The following SLC24A2 variants were observed in gnomAD, a reference collection of about 807,000 sequenced individuals.
The protein encoded by SLC24A2 is sodium/potassium/calcium exchanger 2.
Under a neutral mutation model 62.0 loss-of-function variants are expected in SLC24A2, and 36 were observed. That is an observed-to-expected ratio of 0.58 (90% CI 0.44 to 0.77). SLC24A2 has a LOEUF of 0.77. Among genes scored for constraint, SLC24A2 ranks in the 30% least tolerant of loss-of-function variants. The pLI is 0.00. For missense variants in SLC24A2, 846 were observed against 817.9 expected, an observed-to-expected ratio of 1.03 and a Z score of -0.42; for synonymous variants, 358 against 294.0, an observed-to-expected ratio of 1.22 and a Z score of -2.23.
chr9:19,512,065 T>C lies in SLC24A2; in HGVS notation c.*4088A>G, dbSNP rs1832735418. On this transcript the variant is annotated 3_prime_UTR_variant, in exon 11 of 11. Coordinates refer to ENST00000341998, the MANE Select transcript of SLC24A2 (RefSeq NM_020344.4). ...GGTGTCTTTTCTTTGGTCAACTTTT[T>C]GTTAAAGTGGTCTGGGGGTGGGCTC... 6.6e-6 allele frequency: 1 copy of C among 152,344 alleles called. No individual in the cohort carries two copies. The highest frequency in any genetic ancestry group is 2.4e-5 in the African/African-American group (1 of 41,468). 9.4% of individuals were successfully genotyped at this position (152,344 alleles called of 1,614,324 possible). A position where few individuals can be genotyped will look rare whatever the true frequency, so the allele number is the denominator to read the frequency against.
the SLC24A2 span, among the ~76,000 whole-genome samples, chr9:20,112,303 C>T: frequency 2.0e-5 from 3 of 152,102 alleles, no homozygotes; most frequent in Admixed American, 6.5e-5. Flanking sequence ...AAAGCAAGGC[C>T]GAATCTGCAG....
intron 2 of SLC24A2, among the ~76,000 whole-genome samples, chr9:19,727,777 C>T (rs993947484): frequency 6.6e-6 from 1 of 152,134 alleles, no homozygotes; most frequent in African/African-American, 2.4e-5. Context: ...CCTTACATCC[C>T]TCTCAGCAAA....
chr9:20,299,410 G>C, the SLC24A2 span, among the ~76,000 whole-genome samples: 2 of 152,170 alleles, frequency 1.3e-5, no homozygotes, highest in Admixed American at 1.3e-4. Flanking sequence ...GGATTGACAG[G>C]CTCTGGAATG....
At chr9:20,102,235 G>T in the SLC24A2 span, among the ~76,000 whole-genome samples, 4 of 152,132 alleles carry the variant, frequency 2.6e-5, no homozygotes, top group Admixed American at 1.3e-4. Flanking sequence ...AGAGAGACTA[G>T]ATTTTCTACT....
At chr9:20,004,912 G>GA in the SLC24A2 span, among the ~76,000 whole-genome samples, 9 of 149,402 alleles carry the variant, frequency 6.0e-5, no homozygotes, top group South Asian at 2.1e-4. Flanking sequence ...CACTTTTTTT[G>GA]AAAAAAAAGA....
chr9:20,076,134 T>C, the SLC24A2 span, among the ~76,000 whole-genome samples: 1 of 152,124 alleles, frequency 6.6e-6, no homozygotes, highest in African/African-American at 2.4e-5. Context: ...TTGGTGGGAT[T>C]CACAGATGCG....
the SLC24A2 span, among the ~76,000 whole-genome samples, chr9:19,817,780 A>G: frequency 5.0e-3 from 768 of 152,198 alleles, 7 homozygotes; most frequent in Non-Finnish European, 7.6e-3. Flanking sequence ...CTCAGGCTGG[A>G]GTGCAGTGGT....
chr9:20,261,388 A>G, the SLC24A2 span, among the ~76,000 whole-genome samples: 1 of 152,226 alleles, frequency 6.6e-6, no homozygotes, highest in African/African-American at 2.4e-5. Flanking sequence ...ATGCCATGGT[A>G]GAAGTGCAAA....
intron 2 of SLC24A2, among the ~76,000 whole-genome samples, chr9:19,676,837 TTTA>T (rs1309330470): frequency 2.0e-5 from 3 of 152,226 alleles, no homozygotes; most frequent in African/African-American, 7.2e-5. Context: ...AAGAGAATTC[TTTA>T]TTAACATTTT....
At chr9:20,202,489 T>C in the SLC24A2 span, among the ~76,000 whole-genome samples, 1 of 152,114 alleles carries the variant, frequency 6.6e-6, no homozygotes, top group African/African-American at 2.4e-5. Context: ...AGTGAGGCTG[T>C]TTGCCAGGTG....
chr9:20,057,483 T>C, the SLC24A2 span, among the ~76,000 whole-genome samples: 1 of 152,256 alleles, frequency 6.6e-6, no homozygotes, highest in East Asian at 1.9e-4. Flanking sequence ...TGGTCAGAGT[T>C]GGAGCTGTGG....
intron 2 of SLC24A2, among the ~76,000 whole-genome samples, chr9:19,659,686 G>C (rs1170542504): frequency 2.0e-5 from 3 of 152,126 alleles, no homozygotes; most frequent in Non-Finnish European, 4.4e-5. Context: ...TTTTAACACT[G>C]ATGACATGCC....
At chr9:19,978,247 G>A in the SLC24A2 span, among the ~76,000 whole-genome samples, 1 of 152,110 alleles carries the variant, frequency 6.6e-6, no homozygotes, top group African/African-American at 2.4e-5. Flanking sequence ...GTTATCACCT[G>A]CATCATATGA....
chr9:19,584,741 T>TA (rs1371242549), intron 5 of SLC24A2, among the ~76,000 whole-genome samples: 1 of 152,160 alleles, frequency 6.6e-6, no homozygotes, highest in Non-Finnish European at 1.5e-5. Flanking sequence ...TTAAAAATAA[T>TA]AATTTCATCT....
At chr9:20,141,465 G>C in the SLC24A2 span, among the ~76,000 whole-genome samples, 1 of 151,936 alleles carries the variant, frequency 6.6e-6, no homozygotes, top group Non-Finnish European at 1.5e-5. Flanking sequence ...AACTCTCTTG[G>C]CTTGGTCTCA....
chr9:19,916,889 A>C, the SLC24A2 span, among the ~76,000 whole-genome samples: 1 of 151,676 alleles, frequency 6.6e-6, no homozygotes, highest in Non-Finnish European at 1.5e-5. Context: ...AAGAATTTTA[A>C]GAATCTTGAT....
At chr9:19,907,744 AG>A in the SLC24A2 span, among the ~76,000 whole-genome samples, 1 of 152,234 alleles carries the variant, frequency 6.6e-6, no homozygotes, top group Non-Finnish European at 1.5e-5. Context: ...ATTGCTTCAA[AG>A]AGAATAAAAT....
the SLC24A2 span, among the ~76,000 whole-genome samples, chr9:20,083,160 T>C: frequency 6.6e-6 from 1 of 152,238 alleles, no homozygotes; most frequent in African/African-American, 2.4e-5. Flanking sequence ...CTGTACCTTG[T>C]GTGATTGGAG....
At chr9:20,030,778 T>C in the SLC24A2 span, among the ~76,000 whole-genome samples, 23 of 152,206 alleles carry the variant, frequency 1.5e-4, no homozygotes, top group Admixed American at 3.3e-4. Flanking sequence ...AGAAAACTAT[T>C]AGTAACTATT....
Sources: gnomAD v4.1 joint callset for allele counts (sites outside exome capture counted in the v4.1 genomes callset) on GRCh38, gnomAD v4.1.1 for gene constraint, MANE v1.5 for transcripts, NCBI Gene and HGNC (gene_info 2026-07-23, HGNC 2026-07-21) for gene names.